The following COLGALT1 variants were observed in gnomAD, a reference collection of about 807,000 sequenced individuals.
COLGALT1 encodes procollagen galactosyltransferase 1.
Under a neutral mutation model 60.8 loss-of-function variants are expected in COLGALT1, and 43 were observed. The ratio of observed to expected loss-of-function variants is 0.71; its 90% CI spans 0.55 to 0.91. The LOEUF is 0.91. COLGALT1 is among the 40% of genes least tolerant of loss of function. The probability of loss-of-function intolerance (pLI) is 0.00; values close to 1 mark genes in which losing one functional copy is unlikely to be tolerated. For missense variants in COLGALT1, 845 were observed against 880.0 expected (o/e 0.96, Z 0.50); for synonymous variants, 369 against 374.2 (o/e 0.99, Z 0.16).
intron 5 of COLGALT1, among the ~76,000 whole-genome samples, chr19:17,569,969 A>C (rs1483807882): frequency 7.9e-6 from 1 of 126,618 alleles, no homozygotes; most frequent in Non-Finnish European, 1.5e-5. Flanking sequence ...ATCTTGGCTC[A>C]CTGTAAGCTC....
At chr19:17,559,567 C>A (rs889668204) in intron 2 of COLGALT1, 146 bp downstream of exon 2, 2 of 651,204 alleles carry the variant, frequency 3.1e-6, no homozygotes, top group Non-Finnish European at 5.5e-6. Context: ...CTCTGAGCCT[C>A]CCTCAGCTTT....
chr19:17,579,333 G>T (rs1568482161), intron 9 of COLGALT1, 149 bp from the exon 10 acceptor site: 2 of 1,057,152 alleles, frequency 1.9e-6, no homozygotes, highest in Non-Finnish European at 2.7e-6. Flanking sequence ...CAGAGGTTTG[G>T]ATGTCCAGAT....
intron 3 of COLGALT1, among the ~76,000 whole-genome samples, chr19:17,562,584 C>T (rs765020858): frequency 8.3e-4 from 127 of 152,130 alleles, no homozygotes; most frequent in Admixed American, 2.0e-3. Flanking sequence ...ATGTCTTGAA[C>T]CCGGGAGGCA....
At chr19:17,577,161 AC>A (rs963711808) in intron 6 of COLGALT1, 33 bp from the exon 7 acceptor site, 19 of 1,602,498 alleles carry the variant, frequency 1.2e-5, no homozygotes, top group Non-Finnish European at 8.5e-7. Context: ...GAGGCTCCTT[AC>A]CCCAGCGACT....
intron 1 of COLGALT1, among the ~76,000 whole-genome samples, chr19:17,558,835 C>A (rs780685500): frequency 6.6e-6 from 1 of 152,008 alleles, no homozygotes; most frequent in Admixed American, 6.6e-5. Context: ...TGTTCCCACC[C>A]CCATGTTACA....
Position 17,579,811 on chromosome 19 carries a change from C to A in COLGALT1, c.1394+202C>A, listed in dbSNP as rs1035719277. ...CTGGGAGGCGGAGTGGAGCTGAATCCTACGGGCGTGGCCACAGCGCTGCAG... is the reference window on the plus strand; with the variant it reads ...CTGGGAGGCGGAGTGGAGCTGAATCATACGGGCGTGGCCACAGCGCTGCAG... On this transcript the variant is annotated intron_variant, in intron 10 of 11. Coordinates refer to ENST00000252599, the MANE Select transcript of COLGALT1 (RefSeq NM_024656.4). 2.2e-4 allele frequency: 143 copies of A among 647,940 alleles called. 1 individual carries two copies. The East Asian group carries it at 4.0e-3, about 18-fold the overall frequency. The allele number at this position is 647,940 out of a possible 1,614,324, so 40.1% of individuals were successfully genotyped here.
intron 5 of COLGALT1, among the ~76,000 whole-genome samples, chr19:17,570,035 C>T (rs957669500): frequency 2.6e-5 from 4 of 151,422 alleles, no homozygotes; most frequent in African/African-American, 9.7e-5. Flanking sequence ...GCTGGGACTA[C>T]AGGCACCAGC....
Position 17,579,526 on chromosome 19 carries a change from C to T in COLGALT1, c.1311C>T (p.Asp437=). Residue 437 remains aspartate, a synonymous_variant, in exon 10 of 12, where the codon GAC becomes GAT. Coordinates refer to ENST00000252599, the MANE Select transcript of COLGALT1 (RefSeq NM_024656.4). ...AGAAATCGCTTGTGTTTGAGGATGA[C>T]CTGCGTTTTGAGATCTTCTTCAAGA... is the stretch of plus-strand genomic sequence containing the variant. ...GLQKSLVFED[D]LRFEIFFKRR... 2 of 1,614,032 alleles carry T rather than the reference C, an allele frequency of 1.2e-6. No individual in the cohort carries two copies. Among genetic ancestry groups the T allele is most frequent in the Non-Finnish European group, 1.7e-6 (2 of 1,180,002 alleles).
At position 17,568,518 on chromosome 19, in the gene COLGALT1, A is replaced by G; in HGVS notation, c.634A>G (p.Lys212Glu). ...CGCTCTCTCCCCACAGGGCTACTAC[A>G]AGCGCACACCTGCCTACATCCCTAT... ...WCGMTSQGYY[K>E]RTPAYIPIRK... The change falls in exon 5 of 12, where the codon AAG becomes GAG. Residue 212 changes from lysine to glutamate, a missense_variant. By Grantham distance (56) the Lys-to-Glu change is moderately conservative. Coordinates refer to ENST00000252599, the MANE Select transcript of COLGALT1 (RefSeq NM_024656.4). 2 of 1,613,918 alleles carry G rather than the reference A, an allele frequency of 1.2e-6. No individual in the cohort carries two copies. The highest frequency in any genetic ancestry group is 2.2e-5 in the East Asian group (1 of 44,868).
At position 17,580,791 on chromosome 19, in the gene COLGALT1, C is replaced by G. The variant is rs1242159524; in HGVS notation, c.1487C>G (p.Thr496Ser). ...NLVEADYSYW[T>S]LAYVISLQGA... is the part of the protein sequence containing the mutation. ...GTGGAGGCCGACTATTCCTACTGGACCCTGGCCTACGTGATCTCCCTGCAA... is the reference window on the plus strand; with the variant it reads ...GTGGAGGCCGACTATTCCTACTGGAGCCTGGCCTACGTGATCTCCCTGCAA... The change falls in exon 11 of 12, where the codon ACC becomes AGC. Residue 496 changes from threonine (T) to serine (S), a missense_variant. Transcript: ENST00000252599. The G allele has an allele frequency of 1.2e-6, 2 of 1,613,946 alleles. No individual in the cohort carries two copies. The highest frequency in any genetic ancestry group is 2.7e-5 in the African/African-American group (2 of 74,894).
intron 6 of COLGALT1, among the ~76,000 whole-genome samples, chr19:17,576,495 T>C (rs2144841529): frequency 6.9e-6 from 1 of 143,910 alleles, no homozygotes; most frequent in South Asian, 2.2e-4. Flanking sequence ...AGCTGGAGCA[T>C]GGGGCGTGGC....
At chr19:17,557,919 T>C in intron 1 of COLGALT1, among the ~76,000 whole-genome samples, 1 of 151,166 alleles carries the variant, frequency 6.6e-6, no homozygotes, top group Non-Finnish European at 1.5e-5. Flanking sequence ...GATATATACA[T>C]TTCATTTTTT....
At chr19:17,572,451 A>C in intron 5 of COLGALT1, 32 bp from the exon 6 acceptor site, 1 of 1,613,552 alleles carries the variant, frequency 6.2e-7, no homozygotes, top group Admixed American at 1.7e-5. Flanking sequence ...GCCTGTTTTT[A>C]CATTTGTCTG....
chr19:17,567,586 G>C (rs755957957), intron 4 of COLGALT1, 46 bp downstream of exon 4: 6 of 1,589,136 alleles, frequency 3.8e-6, no homozygotes, highest in Admixed American at 3.6e-5. Flanking sequence ...TGAGCAGGGG[G>C]GTGCCGTGGC....
chr19:17,580,338 A>C, intron 10 of COLGALT1: 1 of 350,202 alleles, frequency 2.9e-6, no homozygotes, highest in Non-Finnish European at 5.4e-6. Context: ...CCCCATGTGA[A>C]TAGTAACTGC....
rs1226122069 is a variant in COLGALT1, at chr19:17,581,781, G to A, written c.*337G>A. 2 of 347,804 alleles carry A rather than the reference G, an allele frequency of 5.8e-6. No individual in the cohort carries two copies. Among genetic ancestry groups the A allele is most frequent in the African/African-American group, 2.0e-5 (1 of 48,956 alleles). 21.5% of individuals were successfully genotyped at this position (347,804 alleles called of 1,614,324 possible). ...ATAATTGTTCCCTCCATCAGCGATTGATTCAGTCATCAAGCAGTTACTGAT... is the reference window on the plus strand; with the variant it reads ...ATAATTGTTCCCTCCATCAGCGATTAATTCAGTCATCAAGCAGTTACTGAT... On this transcript the variant is annotated 3_prime_UTR_variant, in exon 12 of 12. Coordinates refer to ENST00000252599, the MANE Select transcript of COLGALT1 (RefSeq NM_024656.4).
At chr19:17,580,658 G>A (rs2076374531) in intron 10 of COLGALT1, 41 bp from the exon 11 acceptor site, 1 of 1,603,156 alleles carries the variant, frequency 6.2e-7, no homozygotes, top group Non-Finnish European at 8.5e-7. Flanking sequence ...GCTCCCTCCG[G>A]AGGGCGGGAG....
Position 17,567,467 on chromosome 19 carries a change from A to T in COLGALT1, c.551A>T (p.Asn184Ile). 6.2e-7 allele frequency: 1 copy of T among 1,614,116 alleles called. No homozygotes were observed. The highest frequency in any genetic ancestry group is 1.1e-5 in the South Asian group (1 of 91,084). Residue 184 changes from asparagine to isoleucine, a missense_variant, in exon 4 of 12, where the codon AAC becomes ATC. Transcript: ENST00000252599. ...ACACTGAGCCTGCTCATCGCTGAGAACAAGACGGTGGTCGCCCCCATGCTG... is the reference window on the plus strand; with the variant it reads ...ACACTGAGCCTGCTCATCGCTGAGATCAAGACGGTGGTCGCCCCCATGCTG... Reference protein sequence around the residue: ...PDTLSLLIAENKTVVAPMLDS... With the variant: ...PDTLSLLIAEIKTVVAPMLDS...
intron 1 of COLGALT1, among the ~76,000 whole-genome samples, chr19:17,558,863 G>A (rs2076230530): frequency 6.6e-6 from 1 of 151,744 alleles, no homozygotes; most frequent in South Asian, 2.1e-4. Context: ...AAACTGACAT[G>A]GAAAGGGAGA....
Sources: gnomAD v4.1 joint callset for allele counts (sites outside exome capture counted in the v4.1 genomes callset) on GRCh38, gnomAD v4.1.1 for gene constraint, MANE v1.5 for transcripts, NCBI Gene and HGNC (gene_info 2026-07-23, HGNC 2026-07-21) for gene names.